Variants in MN1 observed in about 807,000 individuals in gnomAD.
MN1 encodes the protein transcriptional activator MN1.
Under a neutral mutation model 86.9 loss-of-function variants are expected in MN1, and 19 were observed. That is an observed-to-expected ratio of 0.22 (90% CI 0.15 to 0.32). The LOEUF (loss-of-function observed/expected upper bound fraction) is 0.32, where lower values mean the gene tolerates loss of function less well. MN1 is among the 10% of genes least tolerant of loss of function. The pLI is 1.00. For synonymous variants in MN1, 928 were observed against 849.6 expected (o/e 1.09, Z -1.60); for missense variants, 1,841 against 1,862.0 (o/e 0.99, Z 0.21).
At chr22:27,784,115 C>T (rs550454948) in intron 1 of MN1, among the ~76,000 whole-genome samples, 1 of 152,308 alleles carries the variant, frequency 6.6e-6, no homozygotes, top group Admixed American at 6.5e-5. Flanking sequence ...GCCCCTTTCC[C>T]AGAAGTCGTA....
intron 1 of MN1, among the ~76,000 whole-genome samples, chr22:27,754,078 T>C (rs547491983): frequency 2.0e-5 from 3 of 152,098 alleles, no homozygotes; most frequent in Non-Finnish European, 2.9e-5. Context: ...GGGATGAAGC[T>C]CCTTGCCAAA....
intron 1 of MN1, among the ~76,000 whole-genome samples, chr22:27,779,085 C>T (rs1166917186): frequency 6.6e-6 from 1 of 152,174 alleles, no homozygotes; most frequent in Non-Finnish European, 1.5e-5. Flanking sequence ...GCAGGAAATC[C>T]TCATCACCCC....
Position 27,786,844 on chromosome 22 carries a change from A to G in MN1, c.3781+9919T>C, listed in dbSNP as rs45561039. On this transcript the variant is annotated intron_variant, in intron 1 of 1. Coordinates refer to ENST00000302326, the MANE Select transcript of MN1 (RefSeq NM_002430.3). ...TCCGGGCCCATTAATGCCCGTGCGCACACACACACACACACACACACTTCT... is the reference window on the plus strand; with the variant it reads ...TCCGGGCCCATTAATGCCCGTGCGCGCACACACACACACACACACACTTCT... Among the ~76,000 whole-genome samples the G allele has an allele frequency of 2.4e-3, 350 of 145,266 alleles. 3 individuals carry two copies. In the Middle Eastern group the frequency reaches 0.025, roughly 10 times the overall value.
At chr22:27,771,237 TTTTTTTTTA>T (rs1932912421) in intron 1 of MN1, among the ~76,000 whole-genome samples, 1 of 146,066 alleles carries the variant, frequency 6.8e-6, no homozygotes, top group Non-Finnish European at 1.5e-5. Flanking sequence ...TTTTTTTTTT[TTTTTTTTTA>T]GAGATAGGGT....
chr22:27,750,890 T>A lies in MN1; in HGVS notation c.*25A>T. 1 of 1,550,616 alleles carries A rather than the reference T, an allele frequency of 6.4e-7. No homozygotes were observed. Among genetic ancestry groups the A allele is most frequent in the Non-Finnish European group, 8.8e-7 (1 of 1,141,134 alleles). ...AGACAGGGGGAGAGGAAGGGCCTGG[T>A]AGAGGAGGGGATCTTTCTTGTCATT... On this transcript the variant is annotated 3_prime_UTR_variant, in exon 2 of 2. Transcript: ENST00000302326.
intron 1 of MN1, among the ~76,000 whole-genome samples, chr22:27,771,684 A>G (rs892320243): frequency 7.9e-5 from 12 of 152,206 alleles, no homozygotes; most frequent in African/African-American, 2.9e-4. Context: ...CTTTTGCATG[A>G]CAGGGAAAGG....
chr22:27,790,421 C>T (rs966498107), intron 1 of MN1, among the ~76,000 whole-genome samples: 8 of 152,118 alleles, frequency 5.3e-5, no homozygotes, highest in African/African-American at 7.2e-5. Context: ...GGTGACCCAT[C>T]GGGCACAATG....
chr22:27,772,528 A>G (rs954379011), intron 1 of MN1, among the ~76,000 whole-genome samples: 3 of 152,150 alleles, frequency 2.0e-5, no homozygotes, highest in African/African-American at 7.2e-5. Context: ...TGCCGACTGT[A>G]TGCCTCTGAG....
intron 1 of MN1, among the ~76,000 whole-genome samples, chr22:27,790,890 C>T (rs1933202545): frequency 6.6e-6 from 1 of 152,144 alleles, no homozygotes; most frequent in Non-Finnish European, 1.5e-5. Flanking sequence ...GCTGAGATTT[C>T]GTAATTAGGA....
chr22:27,797,341 G>A lies in MN1; in HGVS notation c.3203C>T (p.Ala1068Val), dbSNP rs1933317516. Residue 1068 changes from alanine (A) to valine (V), a missense_variant, in exon 1 of 2, where the codon GCA (alanine) becomes GTA (valine). Ala to Val is a moderately conservative substitution (Grantham distance 64, BLOSUM62 0). Coordinates refer to ENST00000302326, the MANE Select transcript of MN1 (RefSeq NM_002430.3). ...EVSSSSDNPQ[A>V]LVKASRSPLV... ...GGGACTCCTGCTCGCTTTAACTAGT[G>A]CCTGGGGGTTGTCAGAGCTGGACGA... is the stretch of plus-strand genomic sequence containing the variant. The A allele has an allele frequency of 6.2e-7, 1 of 1,607,122 alleles. No individual in the cohort carries two copies. The highest frequency in any genetic ancestry group is 8.5e-7 in the Non-Finnish European group (1 of 1,179,910).
chr22:27,777,450 G>A (rs950232271), intron 1 of MN1, among the ~76,000 whole-genome samples: 10 of 151,578 alleles, frequency 6.6e-5, no homozygotes, highest in Non-Finnish European at 1.2e-4. Flanking sequence ...GGAGGATCGC[G>A]TGAGCCCAGG....
chr22:27,782,694 C>T (rs1200660265), intron 1 of MN1, among the ~76,000 whole-genome samples: 2 of 152,082 alleles, frequency 1.3e-5, no homozygotes, highest in Non-Finnish European at 2.9e-5. Flanking sequence ...TCTCTTTCAC[C>T]GATGAGGAAA....
chr22:27,751,004 C>A lies in MN1; in HGVS notation c.3874G>T (p.Ala1292Ser), dbSNP rs757899030. ...SVHCTDDVGDAKARASVPTWR... is the reference protein window; with the variant it reads ...SVHCTDDVGDSKARASVPTWR... Reference sequence around the variant, plus strand: ...GTGGGCACGGAGGCTCGAGCCTTGGCGTCACCCACGTCGTCTGTGCAGTGG... The same window carrying A: ...GTGGGCACGGAGGCTCGAGCCTTGGAGTCACCCACGTCGTCTGTGCAGTGG... Residue 1292 changes from alanine to serine, a missense_variant, in exon 2 of 2, where the codon GCC becomes TCC. By Grantham distance (99) the Ala-to-Ser change is moderately conservative. Coordinates refer to ENST00000302326, the MANE Select transcript of MN1 (RefSeq NM_002430.3). 1.2e-6 allele frequency: 2 copies of A among 1,612,742 alleles called. No homozygotes were observed. Among genetic ancestry groups the A allele is most frequent in the African/African-American group, 1.3e-5 (1 of 74,880 alleles).
At chr22:27,752,815 G>A (rs1337193755) in intron 1 of MN1, among the ~76,000 whole-genome samples, 1 of 152,202 alleles carries the variant, frequency 6.6e-6, no homozygotes, top group African/African-American at 2.4e-5. Flanking sequence ...AATTGGGGGT[G>A]GGGGGCTCTG....
intron 1 of MN1, among the ~76,000 whole-genome samples, chr22:27,762,919 C>G (rs983179057): frequency 6.6e-6 from 1 of 152,044 alleles, no homozygotes; most frequent in Middle Eastern, 3.4e-3. Flanking sequence ...GGCAACATAA[C>G]AGGACGCTGT....
intron 1 of MN1, among the ~76,000 whole-genome samples, chr22:27,794,528 A>G (rs1014032795): frequency 1.1e-4 from 17 of 152,220 alleles, no homozygotes; most frequent in African/African-American, 2.9e-4. Context: ...TTTAGCTTAC[A>G]GGAGAAATCA....
chr22:27,760,810 C>T (rs1385328788), intron 1 of MN1, among the ~76,000 whole-genome samples: 6 of 152,206 alleles, frequency 3.9e-5, no homozygotes, highest in African/African-American at 9.7e-5. Flanking sequence ...ATAGTGTCAC[C>T]GTGGCAATCG....
rs1455029857 is a variant in MN1, at chr22:27,799,343, G to A, written c.1201C>T (p.Pro401Ser). Residue 401 changes from proline (P) to serine (S), a missense_variant, in exon 1 of 2, where the codon CCC (proline) becomes TCC (serine). Physicochemically the swap from Pro to Ser is moderately conservative, Grantham distance 74. Transcript: ENST00000302326. ...GGLQDGGPMLPSQHAQFEYPI... is the reference protein window; with the variant it reads ...GGLQDGGPMLSSQHAQFEYPI... The stretch of plus-strand genomic sequence containing the variant: ...TACTCGAATTGCGCGTGCTGGCTGG[G>A]CAGCATGGGGCCTCCGTCCTGCAGG... 6.3e-7 allele frequency: 1 copy of A among 1,587,700 alleles called. No homozygotes were observed. The highest frequency in any genetic ancestry group is 8.6e-7 in the Non-Finnish European group (1 of 1,168,970).
In MN1 at chr22:27,801,303, GC is replaced by G. The variant is rs1349836970; in HGVS notation, c.-761del. Reference sequence around the variant, plus strand: ...GGCTGGAGCCGAGGGTCGGGGAAAGGCGCGGCTCCTCTGCTCGGCAGCGGGT... The same window carrying G: ...GGCTGGAGCCGAGGGTCGGGGAAAGGGCGGCTCCTCTGCTCGGCAGCGGGT... On this transcript the variant is annotated 5_prime_UTR_variant, in exon 1 of 2. Transcript: ENST00000302326. 5 of 220,652 alleles carry G rather than the reference GC, an allele frequency of 2.3e-5. No homozygotes were observed. In the East Asian group the frequency reaches 3.2e-4, roughly 14 times the overall value. 13.7% of individuals were successfully genotyped at this position (220,652 alleles called of 1,614,324 possible).
Sources: allele counts gnomAD v4.1 joint callset (sites outside exome capture counted in the v4.1 genomes callset), GRCh38; gene constraint gnomAD v4.1.1; transcripts MANE v1.5; gene names NCBI Gene and HGNC (gene_info 2026-07-23, HGNC 2026-07-21).